ZMAT4: variants seen among roughly 807,000 people sequenced by gnomAD.
ZMAT4 encodes the protein zinc finger matrin-type 4, also known as zinc finger matrin-type protein 4.
A neutral mutation model predicts 28.7 loss-of-function variants in ZMAT4; 17 were observed. That is an observed-to-expected ratio of 0.59 (90% confidence interval 0.41 to 0.89). The LOEUF (loss-of-function observed/expected upper bound fraction) is 0.89. ZMAT4 is among the 40% of genes least tolerant of loss of function. The pLI is 0.00. For missense variants in ZMAT4, 240 were observed against 283.8 expected, an observed-to-expected ratio of 0.85 and a Z score of 1.11; for synonymous variants, 117 against 109.2, an observed-to-expected ratio of 1.07 and a Z score of -0.44.
chr8:40,534,648 C>T (rs1802790053), intron 6 of ZMAT4, among the ~76,000 whole-genome samples: 1 of 150,814 alleles, frequency 6.6e-6, no homozygotes, highest in Non-Finnish European at 1.5e-5. Flanking sequence ...GAAAACATGG[C>T]CTCAGTTTCA....
chr8:40,617,334 C>T (rs913475333), intron 5 of ZMAT4, among the ~76,000 whole-genome samples: 3 of 152,140 alleles, frequency 2.0e-5, no homozygotes, highest in Non-Finnish European at 4.4e-5. Context: ...CCAGACCTAC[C>T]AATCAGTGCC....
intron 3 of ZMAT4, among the ~76,000 whole-genome samples, chr8:40,743,417 T>C (rs1289602888): frequency 2.6e-5 from 4 of 152,134 alleles, no homozygotes; most frequent in Non-Finnish European, 5.9e-5. Context: ...CCTGCCTGAG[T>C]TGTCCACCAA....
chr8:40,632,249 T>G (rs1338005872), intron 5 of ZMAT4, among the ~76,000 whole-genome samples: 2 of 152,138 alleles, frequency 1.3e-5, no homozygotes, highest in East Asian at 3.9e-4. Flanking sequence ...CACATAGAAC[T>G]TTTTCAGGAG....
At chr8:40,596,787 C>T (rs536855200) in intron 5 of ZMAT4, among the ~76,000 whole-genome samples, 2 of 152,282 alleles carry the variant, frequency 1.3e-5, no homozygotes, top group South Asian at 4.1e-4. Context: ...AATAGAGTTG[C>T]CCATGTGCAA....
chr8:40,734,330 G>C (rs1018550180), intron 3 of ZMAT4, among the ~76,000 whole-genome samples: 7 of 152,188 alleles, frequency 4.6e-5, no homozygotes, highest in African/African-American at 7.2e-5. Flanking sequence ...CTTAAGAGGA[G>C]TTACAAGCCC....
At chr8:40,580,189 T>G (rs764598521) in intron 6 of ZMAT4, among the ~76,000 whole-genome samples, 1 of 151,942 alleles carries the variant, frequency 6.6e-6, no homozygotes, top group Non-Finnish European at 1.5e-5. Flanking sequence ...ATTTTTTGTA[T>G]TTTTAGTAGA....
chr8:40,881,497 A>AAGAAAGAAAGAAAGAG (rs1554497976), intron 1 of ZMAT4, among the ~76,000 whole-genome samples: 1 of 136,752 alleles, frequency 7.3e-6, no homozygotes, highest in African/African-American at 2.7e-5. Flanking sequence ...GAAAGAAAGA[A>AAGAAAGAAAGAAAGAG]AGAGGAAGGA....
At chr8:40,889,298 A>G (rs1818580792) in intron 1 of ZMAT4, among the ~76,000 whole-genome samples, 1 of 152,246 alleles carries the variant, frequency 6.6e-6, no homozygotes, top group Non-Finnish European at 1.5e-5. Flanking sequence ...CACTTGCCGC[A>G]TTTCACGTGA....
intron 2 of ZMAT4, among the ~76,000 whole-genome samples, chr8:40,805,879 T>C (rs987499561): frequency 7.2e-5 from 11 of 151,840 alleles, no homozygotes; most frequent in Non-Finnish European, 1.6e-4. Context: ...GCATGGCACA[T>C]GTATACACAT....
intron 1 of ZMAT4, among the ~76,000 whole-genome samples, chr8:40,894,112 G>A (rs1017897248): frequency 6.6e-6 from 1 of 152,212 alleles, no homozygotes; most frequent in African/African-American, 2.4e-5. Context: ...TCAGCTCTGC[G>A]CATGGGGCTG....
At chr8:40,673,177 C>T (rs1808754598) in intron 5 of ZMAT4, among the ~76,000 whole-genome samples, 1 of 152,172 alleles carries the variant, frequency 6.6e-6, no homozygotes, top group Non-Finnish European at 1.5e-5. Context: ...TGATTCTGCT[C>T]ACATGGAATG....
chr8:40,667,984 G>A (rs934742477), intron 5 of ZMAT4, among the ~76,000 whole-genome samples: 3 of 152,150 alleles, frequency 2.0e-5, no homozygotes, highest in African/African-American at 7.2e-5. Context: ...GTGAGTGCAG[G>A]ATTGCTATAG....
chr8:40,630,327 T>G (rs2722424), intron 5 of ZMAT4, among the ~76,000 whole-genome samples: 85,703 of 152,080 alleles, frequency 0.56, 25,321 homozygotes, highest in East Asian at 0.69. Flanking sequence ...GGAAACACAT[T>G]TCCCAGCAGG....
intron 3 of ZMAT4, among the ~76,000 whole-genome samples, chr8:40,735,518 A>C (rs1019147458): frequency 1.3e-5 from 2 of 152,216 alleles, no homozygotes; most frequent in Non-Finnish European, 2.9e-5. Context: ...GATTTTTTTA[A>C]AAGCATTACT....
chr8:40,620,896 C>T (rs888362362), intron 5 of ZMAT4, among the ~76,000 whole-genome samples: 2 of 152,162 alleles, frequency 1.3e-5, no homozygotes, highest in Admixed American at 6.6e-5. Flanking sequence ...ATTTATTTTT[C>T]AGCAGAAGCA....
intron 4 of ZMAT4, among the ~76,000 whole-genome samples, chr8:40,675,903 C>T (rs772611876): frequency 9.9e-5 from 15 of 152,148 alleles, no homozygotes; most frequent in Non-Finnish European, 1.8e-4. Context: ...AGACATGTAT[C>T]ACTATTTTGA....
intron 3 of ZMAT4, among the ~76,000 whole-genome samples, chr8:40,712,335 T>C (rs1246261510): frequency 2.0e-5 from 3 of 152,210 alleles, no homozygotes; most frequent in Non-Finnish European, 4.4e-5. Flanking sequence ...CCCAGAGTTG[T>C]GTCCCATAAA....
At chr8:40,793,440 C>T (rs1475746963) in intron 2 of ZMAT4, among the ~76,000 whole-genome samples, 2 of 148,134 alleles carry the variant, frequency 1.4e-5, no homozygotes, top group Non-Finnish European at 3.1e-5. Context: ...CAGAGCCACG[C>T]TCCATCGATT....
chr8:40,628,383 T>C lies in ZMAT4; in HGVS notation c.577+46321A>G, dbSNP rs559009899. Among the ~76,000 whole-genome samples, 5 of 152,366 alleles carry C rather than the reference T, an allele frequency of 3.3e-5. No homozygotes were observed. The South Asian group carries it at 8.3e-4, about 25-fold the overall frequency. On this transcript the variant is annotated intron_variant, in intron 5 of 6. Coordinates refer to ENST00000297737, the MANE Select transcript of ZMAT4 (RefSeq NM_024645.3). ...ACCAAGCATCGCGTTAAGCATTTAA[T>C]ATACATTCTTTCATTTTGTCTTCGT...
Sources: gnomAD v4.1 joint callset for allele counts (sites outside exome capture counted in the v4.1 genomes callset) on GRCh38, gnomAD v4.1.1 for gene constraint, MANE v1.5 for transcripts, NCBI Gene and HGNC (gene_info 2026-07-23, HGNC 2026-07-21) for gene names.